The following DZANK1 variants were observed in gnomAD, a reference collection of about 807,000 sequenced individuals.
DZANK1 encodes double zinc ribbon and ankyrin repeat domains 1.
Under a neutral mutation model 94.5 loss-of-function variants are expected in DZANK1, and 91 were observed. The ratio of observed to expected loss-of-function variants is 0.96; its 90% CI spans 0.81 to 1.15. DZANK1 has a LOEUF of 1.15. Among genes scored for constraint, DZANK1 ranks in the 50% most tolerant of loss-of-function variants. The pLI is 0.00. For synonymous variants in DZANK1, 312 were observed against 325.3 expected (o/e 0.96, Z 0.44); for missense variants, 903 against 916.4 (o/e 0.99, Z 0.19).
At chr20:18,455,422 G>T in intron 3 of DZANK1, 61 bp from the exon 4 acceptor site, 3 of 1,169,456 alleles carry the variant, frequency 2.6e-6, no homozygotes, top group Non-Finnish European at 3.7e-6. Context: ...TTAAAAAGTG[G>T]CTAACAAGAT....
chr20:18,392,844 G>A (rs1370294830), intron 17 of DZANK1, among the ~76,000 whole-genome samples: 1 of 152,182 alleles, frequency 6.6e-6, no homozygotes, highest in African/African-American at 2.4e-5. Context: ...GATACCAGAG[G>A]TAGGAGTGTT....
At chr20:18,431,729 T>G (rs1231997927) in intron 9 of DZANK1, among the ~76,000 whole-genome samples, 1 of 152,186 alleles carries the variant, frequency 6.6e-6, no homozygotes, top group Non-Finnish European at 1.5e-5. Flanking sequence ...CTTTCAACCT[T>G]CAGGGCCCAC....
At chr20:18,409,893 C>T (rs777961964) in intron 13 of DZANK1, among the ~76,000 whole-genome samples, 3 of 151,930 alleles carry the variant, frequency 2.0e-5, no homozygotes, top group Non-Finnish European at 2.9e-5. Flanking sequence ...CACAGTGAAA[C>T]CCTGTCTCTA....
At chr20:18,426,036 A>AG (rs2058025636) in intron 10 of DZANK1, among the ~76,000 whole-genome samples, 1 of 152,116 alleles carries the variant, frequency 6.6e-6, no homozygotes, top group Non-Finnish European at 1.5e-5. Flanking sequence ...AAACTAGTAC[A>AG]CACCCATTTG....
At chr20:18,456,629 TGTC>T in intron 3 of DZANK1, among the ~76,000 whole-genome samples, 1 of 152,080 alleles carries the variant, frequency 6.6e-6, no homozygotes, top group Non-Finnish European at 1.5e-5. Context: ...TCTATAGTTT[TGTC>T]TTTTCTAGAA....
At chr20:18,438,653 A>T (rs2058622140) in intron 8 of DZANK1, among the ~76,000 whole-genome samples, 1 of 152,248 alleles carries the variant, frequency 6.6e-6, no homozygotes, top group Non-Finnish European at 1.5e-5. Context: ...ATAAGTGTAT[A>T]TGACTGTATT....
At chr20:18,406,968 T>C (rs2056995298) in intron 13 of DZANK1, among the ~76,000 whole-genome samples, 1 of 152,120 alleles carries the variant, frequency 6.6e-6, no homozygotes, top group African/African-American at 2.4e-5. Context: ...GAGGTTCCTC[T>C]GCCTGTGGAA....
At chr20:18,428,516 G>A (rs577633996) in intron 9 of DZANK1, 2 of 152,320 alleles carry the variant, frequency 1.3e-5, no homozygotes, top group Non-Finnish European at 2.9e-5. Flanking sequence ...CCAGGACCCT[G>A]GGGTTACACT....
rs907814796 is a variant in DZANK1 at position 18,450,368 on chromosome 20, T to C, written c.544-1299A>G. On this transcript the variant is annotated intron_variant, in intron 6 of 20. Transcript: ENST00000262547. ...GAGTTCAAAAATAGTCTGGGCAACA[T>C]AGTGAATCCCCATCTCTACAAAAAG... 1.8e-4 allele frequency among the ~76,000 whole-genome samples: 27 copies of C among 152,170 alleles called. 1 individual carries two copies. The highest frequency in any genetic ancestry group is 5.8e-4 in the African/African-American group (24 of 41,514).
intron 7 of DZANK1, among the ~76,000 whole-genome samples, chr20:18,444,840 G>A (rs904153705): frequency 1.3e-5 from 2 of 151,884 alleles, no homozygotes; most frequent in Admixed American, 6.6e-5. Context: ...TTGCTCTGTC[G>A]CCCAGATTGG....
chr20:18,442,974 TATAG>T lies in DZANK1; in HGVS notation c.747+369_747+372del, dbSNP rs1354027500. Among the ~76,000 whole-genome samples, 5 of 151,528 alleles carry T rather than the reference TATAG, an allele frequency of 3.3e-5. No individual in the cohort carries two copies. The East Asian group carries it at 9.7e-4, about 29-fold the overall frequency. ...GACAGAATGATGCATCTTATGGATA[TATAG>T]ATATATAGAGACATAAAGTAATTGG... On this transcript the variant is annotated intron_variant, in intron 8 of 20. Transcript: ENST00000262547.
intron 19 of DZANK1, among the ~76,000 whole-genome samples, chr20:18,388,345 A>G (rs1600700163): frequency 6.6e-6 from 1 of 152,324 alleles, no homozygotes; most frequent in East Asian, 1.9e-4. Flanking sequence ...ATAAATGCCA[A>G]TTTACAGAAT....
exon 12 of DZANK1, chr20:18,414,466 C>T (rs1294352755): frequency 1.2e-6 from 2 of 1,613,256 alleles, no homozygotes; most frequent in East Asian, 2.2e-5. Context: ...CAGGTGATTG[C>T]TGGCCCCACA....
chr20:18,385,374 A>G (rs2048421014), intron 19 of DZANK1, among the ~76,000 whole-genome samples: 1 of 151,826 alleles, frequency 6.6e-6, no homozygotes, highest in African/African-American at 2.4e-5. Context: ...AATAAATACC[A>G]TTGTTCTAAA....
intron 17 of DZANK1, 42 bp downstream of exon 17, chr20:18,393,669 G>GGGAT: frequency 1.5e-6 from 2 of 1,293,154 alleles, no homozygotes; most frequent in Middle Eastern, 2.1e-4. Context: ...GAAAATCACA[G>GGGAT]GCTGAAGACA....
intron 15 of DZANK1, among the ~76,000 whole-genome samples, chr20:18,395,473 C>A (rs1403315397): frequency 6.6e-6 from 1 of 152,138 alleles, no homozygotes; most frequent in Non-Finnish European, 1.5e-5. Context: ...GTGGCCTGCC[C>A]CATTCCCACT....
chr20:18,453,793 T>C, exon 5 of DZANK1: 1 of 1,612,296 alleles, frequency 6.2e-7, no homozygotes, highest in East Asian at 2.2e-5. Flanking sequence ...ATATTTTTTC[T>C]TTAGTTTTGA....
chr20:18,445,029 G>T (rs925647118), intron 7 of DZANK1, among the ~76,000 whole-genome samples: 9 of 151,614 alleles, frequency 5.9e-5, no homozygotes, highest in African/African-American at 2.2e-4. Flanking sequence ...AGATGATCTC[G>T]ATCTCCTGAC....
intron 14 of DZANK1, 83 bp downstream of exon 14, chr20:18,398,440 T>C (rs1600755203): frequency 2.4e-6 from 3 of 1,242,762 alleles, no homozygotes; most frequent in South Asian, 1.2e-5. Context: ...CCAGGCAAGA[T>C]GCAGTTTCAG....
Sources: allele counts gnomAD v4.1 joint callset (sites outside exome capture counted in the v4.1 genomes callset), GRCh38; gene constraint gnomAD v4.1.1; transcripts MANE v1.5; gene names NCBI Gene and HGNC (gene_info 2026-07-23, HGNC 2026-07-21).